GABRB2: variants seen among roughly 807,000 people sequenced by gnomAD.
The protein encoded by GABRB2 is gamma-aminobutyric acid type A receptor subunit beta2, also known as gamma-aminobutyric acid receptor subunit beta-2.
A neutral mutation model predicts 54.7 loss-of-function variants in GABRB2; 16 were observed. The ratio of observed to expected loss-of-function variants is 0.29; its 90% CI spans 0.20 to 0.44. The LOEUF (loss-of-function observed/expected upper bound fraction) is 0.44, where lower values mean the gene tolerates loss of function less well. GABRB2 is among the 20% of genes least tolerant of loss of function. The probability of loss-of-function intolerance (pLI) is 1.00; values close to 1 mark genes in which losing one functional copy is unlikely to be tolerated. For synonymous variants in GABRB2, 244 were observed against 233.8 expected, an observed-to-expected ratio of 1.04 and a Z score of -0.40; for missense variants, 355 against 644.0, an observed-to-expected ratio of 0.55 and a Z score of 4.86.
chr5:161,307,701 G>A (rs2113357134), intron 9 of GABRB2, among the ~76,000 whole-genome samples: 1 of 152,118 alleles, frequency 6.6e-6, no homozygotes, highest in South Asian at 2.1e-4. Flanking sequence ...GATAGTTATG[G>A]AGCCTACCCT....
chr5:161,471,915 G>A (rs746465336), intron 3 of GABRB2, among the ~76,000 whole-genome samples: 2 of 151,724 alleles, frequency 1.3e-5, no homozygotes, highest in Non-Finnish European at 2.9e-5. Flanking sequence ...ATTGTCCCTA[G>A]GTTCTTGCTT....
At chr5:161,345,156 A>G (rs1180551695) in intron 5 of GABRB2, among the ~76,000 whole-genome samples, 2 of 152,214 alleles carry the variant, frequency 1.3e-5, no homozygotes, top group South Asian at 4.1e-4. Flanking sequence ...ACAAATCTGC[A>G]TGTTCTGCAC....
At chr5:161,487,697 C>T (rs529516203) in intron 3 of GABRB2, among the ~76,000 whole-genome samples, 13 of 151,960 alleles carry the variant, frequency 8.6e-5, no homozygotes, top group African/African-American at 2.9e-4. Flanking sequence ...AACATTAATG[C>T]CCAATTTCCA....
chr5:161,357,256 A>G (rs1048544536), intron 5 of GABRB2, among the ~76,000 whole-genome samples: 1 of 152,144 alleles, frequency 6.6e-6, no homozygotes, highest in African/African-American at 2.4e-5. Flanking sequence ...AAAATGGATG[A>G]AGGCCTCAGT....
At chr5:161,294,652 T>G (rs1386745623) in intron 9 of GABRB2, among the ~76,000 whole-genome samples, 2 of 152,222 alleles carry the variant, frequency 1.3e-5, no homozygotes, top group African/African-American at 4.8e-5. Context: ...CCTAGAGGGT[T>G]GCTGTAATGA....
At chr5:161,407,951 AAGTCGG>A (rs1397355860) in intron 5 of GABRB2, among the ~76,000 whole-genome samples, 2 of 152,048 alleles carry the variant, frequency 1.3e-5, no homozygotes, top group African/African-American at 2.4e-5. Context: ...AAAAGTTATG[AAGTCGG>A]TGTAGTCCAT....
At chr5:161,403,094 A>T (rs1210840126) in intron 5 of GABRB2, among the ~76,000 whole-genome samples, 1 of 152,044 alleles carries the variant, frequency 6.6e-6, no homozygotes, top group Non-Finnish European at 1.5e-5. Context: ...CTCTCCTACA[A>T]CTGGCTGTGG....
chr5:161,446,392 C>T (rs1186192280), intron 4 of GABRB2, among the ~76,000 whole-genome samples: 1 of 152,104 alleles, frequency 6.6e-6, no homozygotes, highest in Non-Finnish European at 1.5e-5. Flanking sequence ...GAACACTGTA[C>T]AGACATTCCT....
intron 5 of GABRB2, among the ~76,000 whole-genome samples, chr5:161,340,044 AAACT>A (rs1338747670): frequency 6.6e-6 from 1 of 152,106 alleles, no homozygotes; most frequent in Non-Finnish European, 1.5e-5. Flanking sequence ...AACTAGGTCT[AAACT>A]AATAGAGTAT....
At position 161,371,284 on chromosome 5, in the gene GABRB2, T is replaced by C. The variant is rs533946972; in HGVS notation, c.542-34515A>G. ...AGACAGGAAAAATAATGACTAATTG[T>C]TTAAATATATATTTAAGCCATAAAG... On this transcript the variant is annotated intron_variant, in intron 5 of 9. Transcript: ENST00000393959. 5.9e-5 allele frequency among the ~76,000 whole-genome samples: 9 copies of C among 152,336 alleles called. No individual in the cohort carries two copies. In the South Asian group the frequency reaches 1.7e-3, roughly 28 times the overall value.
intron 3 of GABRB2, among the ~76,000 whole-genome samples, chr5:161,486,431 G>A (rs1269517832): frequency 3.3e-5 from 5 of 151,872 alleles, no homozygotes; most frequent in South Asian, 4.1e-4. Context: ...TGGAAAATGC[G>A]CACTGTAAGG....
chr5:161,544,933 G>C (rs1232602957), intron 3 of GABRB2, among the ~76,000 whole-genome samples: 2 of 152,054 alleles, frequency 1.3e-5, no homozygotes, highest in African/African-American at 4.8e-5. Context: ...TTCTCATTGA[G>C]CCTGAGGAGA....
chr5:161,381,822 C>G (rs538738011), intron 5 of GABRB2, among the ~76,000 whole-genome samples: 1 of 152,298 alleles, frequency 6.6e-6, no homozygotes, highest in South Asian at 2.1e-4. Context: ...AAAAGACAAA[C>G]ACTTCTGAGC....
chr5:161,360,618 T>G (rs963713668), intron 5 of GABRB2, among the ~76,000 whole-genome samples: 8 of 152,260 alleles, frequency 5.3e-5, no homozygotes, highest in African/African-American at 1.9e-4. Flanking sequence ...GGAAATTGTT[T>G]TTATGTAGAA....
intron 3 of GABRB2, among the ~76,000 whole-genome samples, chr5:161,527,072 C>T (rs1760305785): frequency 6.6e-6 from 1 of 151,210 alleles, no homozygotes; most frequent in Admixed American, 6.6e-5. Flanking sequence ...TAAGTAGAAA[C>T]ATAATAAGAT....
chr5:161,512,417 G>T (rs560046562), intron 3 of GABRB2, among the ~76,000 whole-genome samples: 1 of 151,534 alleles, frequency 6.6e-6, no homozygotes, highest in East Asian at 1.9e-4. Context: ...AAAGTTACAC[G>T]CATACAGCCA....
chr5:161,543,567 G>A (rs1655035418), intron 3 of GABRB2, among the ~76,000 whole-genome samples: 1 of 152,154 alleles, frequency 6.6e-6, no homozygotes, highest in Admixed American at 6.5e-5. Flanking sequence ...AAATGCAAAA[G>A]AGAGGAGTCT....
In GABRB2 at chr5:161,299,303, C is replaced by T. The variant is rs147111246; in HGVS notation, c.1192-4875G>A. Among the ~76,000 whole-genome samples, 219 of 152,296 alleles carry T rather than the reference C, an allele frequency of 1.4e-3. 1 individual carries two copies. Among genetic ancestry groups the T allele is most frequent in the African/African-American group, 5.0e-3 (206 of 41,566 alleles). On this transcript the variant is annotated intron_variant, in intron 9 of 9. Coordinates refer to ENST00000393959, the MANE Select transcript of GABRB2 (RefSeq NM_001371727.1). ...GCTGTGGGTGTAGGCCAATCAGAGCCATTCTGACACCATAATTGACTCAGC... is the reference window on the plus strand; with the variant it reads ...GCTGTGGGTGTAGGCCAATCAGAGCTATTCTGACACCATAATTGACTCAGC...
At chr5:161,379,168 G>A (rs1455764827) in intron 5 of GABRB2, among the ~76,000 whole-genome samples, 2 of 152,180 alleles carry the variant, frequency 1.3e-5, no homozygotes, top group African/African-American at 4.8e-5. Flanking sequence ...GTCTTCAGGA[G>A]CTGGTGCTCA....
Sources: gnomAD v4.1 joint callset for allele counts (sites outside exome capture counted in the v4.1 genomes callset) on GRCh38, gnomAD v4.1.1 for gene constraint, MANE v1.5 for transcripts, NCBI Gene and HGNC (gene_info 2026-07-23, HGNC 2026-07-21) for gene names.